PTPRN2: variants seen among roughly 807,000 people sequenced by gnomAD.
PTPRN2 encodes receptor-type tyrosine-protein phosphatase N2.
Under a neutral mutation model 118.8 loss-of-function variants are expected in PTPRN2, and 74 were observed. That is an observed-to-expected ratio of 0.62 (90% CI 0.52 to 0.76). The LOEUF (loss-of-function observed/expected upper bound fraction) is 0.76. Among genes scored for constraint, PTPRN2 ranks in the 30% least tolerant of loss-of-function variants. PTPRN2 has a pLI of 0.00. For missense variants in PTPRN2, 1,481 were observed against 1,394.4 expected, an observed-to-expected ratio of 1.06 and a Z score of -0.99; for synonymous variants, 641 against 608.0, an observed-to-expected ratio of 1.05 and a Z score of -0.80.
intron 17 of PTPRN2, 37 bp from the exon 18 acceptor site, chr7:157,578,177 G>C: frequency 6.3e-7 from 1 of 1,581,286 alleles, no homozygotes. Context: ...CGGTGTGACT[G>C]TCTCATCACC....
At chr7:158,037,230 A>G (rs1808144407) in intron 11 of PTPRN2, among the ~76,000 whole-genome samples, 1 of 152,260 alleles carries the variant, frequency 6.6e-6, no homozygotes, top group Non-Finnish European at 1.5e-5. Context: ...TGGCAAAGGA[A>G]TATCTCACTC....
chr7:158,218,895 T>C (rs1365863964), intron 3 of PTPRN2, among the ~76,000 whole-genome samples: 2 of 152,202 alleles, frequency 1.3e-5, no homozygotes, highest in Non-Finnish European at 2.9e-5. Flanking sequence ...CTACCCTAAA[T>C]ATTTATGCAC....
intron 6 of PTPRN2, among the ~76,000 whole-genome samples, chr7:158,150,156 A>T (rs375142164): frequency 1.4e-4 from 21 of 152,230 alleles, no homozygotes; most frequent in East Asian, 7.7e-4. Flanking sequence ...TGTTCCCTGC[A>T]GGCTCCTGTT....
At chr7:158,176,873 C>T (rs777998339) in intron 5 of PTPRN2, among the ~76,000 whole-genome samples, 3 of 152,328 alleles carry the variant, frequency 2.0e-5, no homozygotes, top group South Asian at 2.1e-4. Context: ...CGGTCCTCAT[C>T]GCTGTGTGCC....
At chr7:157,673,856 AGTGTTGTCT>A (rs1796530649) in intron 13 of PTPRN2, among the ~76,000 whole-genome samples, 1 of 151,628 alleles carries the variant, frequency 6.6e-6, no homozygotes, top group South Asian at 2.1e-4. Flanking sequence ...CTAGGGTCAC[AGTGTTGTCT>A]GTTTCCGGGT....
intron 11 of PTPRN2, among the ~76,000 whole-genome samples, chr7:158,046,975 G>C (rs747518949): frequency 2.0e-5 from 3 of 152,196 alleles, no homozygotes; most frequent in Non-Finnish European, 2.9e-5. Flanking sequence ...ACAGGGGCAG[G>C]CAATCAGGTT....
At position 158,033,177 on chromosome 7, in the gene PTPRN2, C is replaced by T. The variant is rs371373317; in HGVS notation, c.1723+48121G>A. ...AGCCTGACAGAGCCATTGGGGGCCA[C>T]GAATAAAGCCTTGGTGCCTGGTGGT... On this transcript the variant is annotated intron_variant, in intron 11 of 22. Coordinates refer to ENST00000389418, the MANE Select transcript of PTPRN2 (RefSeq NM_002847.5). Among the ~76,000 whole-genome samples, 258 of 77,564 alleles carry T rather than the reference C, an allele frequency of 3.3e-3. 5 individuals carry two copies. The South Asian group carries it at 0.084, about 25-fold the overall frequency. 50.9% of individuals were successfully genotyped at this position (77,564 alleles called of 152,430 possible).
chr7:158,462,469 CAG>C (rs1392867141), intron 2 of PTPRN2, among the ~76,000 whole-genome samples: 1 of 152,198 alleles, frequency 6.6e-6, no homozygotes, highest in Non-Finnish European at 1.5e-5. Context: ...AGAAAACACA[CAG>C]AGTCCTAGAG....
At chr7:158,119,968 C>A (rs551126518) in intron 9 of PTPRN2, among the ~76,000 whole-genome samples, 1 of 152,118 alleles carries the variant, frequency 6.6e-6, no homozygotes, top group African/African-American at 2.4e-5. Flanking sequence ...TAGTGATGGA[C>A]AAATGGAGGA....
At position 158,136,691 on chromosome 7, in the gene PTPRN2, G is replaced by A. The variant is rs755486238; in HGVS notation, c.1137C>T (p.Asp379=). 2.5e-5 allele frequency: 40 copies of A among 1,613,356 alleles called. No homozygotes were observed. Among genetic ancestry groups the A allele is most frequent in the East Asian group, 6.7e-5 (3 of 44,880 alleles). The change falls in exon 8 of 23, where the codon GAC becomes GAT. Residue 379 remains aspartate, a synonymous_variant. Transcript: ENST00000389418. ...GTCTATCATCGTCGTCCTGCACTCC[G>A]TCATCTGTAAAAGACACCAGTGTTA... ...ATLRGDSFPD[D]GVQDDDDRLY... is the part of the protein sequence containing the mutation.
At chr7:157,902,695 A>G (rs1797543394) in intron 11 of PTPRN2, among the ~76,000 whole-genome samples, 1 of 152,178 alleles carries the variant, frequency 6.6e-6, no homozygotes, top group South Asian at 2.1e-4. Context: ...TTGATCACTA[A>G]AACTCCTTTT....
chr7:157,697,183 G>T (rs1265866995), intron 12 of PTPRN2, among the ~76,000 whole-genome samples: 9 of 21,272 alleles, frequency 4.2e-4, no homozygotes, highest in East Asian at 4.8e-3. Flanking sequence ...TGCATACTGG[G>T]TCTTGGCAGA....
intron 1 of PTPRN2, among the ~76,000 whole-genome samples, chr7:158,547,766 C>T (rs894364078): frequency 3.9e-5 from 6 of 152,202 alleles, no homozygotes; most frequent in South Asian, 2.1e-4. Flanking sequence ...AGCCCCCCAC[C>T]GTACCCCCTG....
In PTPRN2 at chr7:157,780,347, C is replaced by G. The variant is rs769242774; in HGVS notation, c.1789-97410G>C. Reference sequence around the variant, plus strand: ...CTGAAGGTGAAGCTTTAGGTGACGTCGAAGCATCCAGCCATATCTGTCAGT... The same window carrying G: ...CTGAAGGTGAAGCTTTAGGTGACGTGGAAGCATCCAGCCATATCTGTCAGT... On this transcript the variant is annotated intron_variant, in intron 12 of 22. Coordinates refer to ENST00000389418, the MANE Select transcript of PTPRN2 (RefSeq NM_002847.5). The surrounding 1 kb of genome is among the most constrained non-coding windows in gnomAD (Gnocchi z 4.5). Among the ~76,000 whole-genome samples the G allele has an allele frequency of 1.1e-4, 17 of 152,188 alleles. No individual in the cohort carries two copies. Among genetic ancestry groups the G allele is most frequent in the African/African-American group, 4.1e-4 (17 of 41,430 alleles).
chr7:158,246,690 T>C (rs1796272070), intron 3 of PTPRN2, among the ~76,000 whole-genome samples: 1 of 151,948 alleles, frequency 6.6e-6, no homozygotes, highest in Non-Finnish European at 1.5e-5. Flanking sequence ...AATTCAACCT[T>C]ACAGAGCTGA....
At chr7:157,901,914 AG>A (rs1797479715) in intron 11 of PTPRN2, among the ~76,000 whole-genome samples, 1 of 133,734 alleles carries the variant, frequency 7.5e-6, no homozygotes, top group Admixed American at 7.2e-5. Context: ...CTGGGTCCTG[AG>A]GCGGGGCCTT....
intron 11 of PTPRN2, among the ~76,000 whole-genome samples, chr7:157,915,623 A>G (rs1302804711): frequency 6.6e-6 from 1 of 151,996 alleles, no homozygotes; most frequent in Non-Finnish European, 1.5e-5. Flanking sequence ...TAGCCTTACC[A>G]TATCAGGATT....
intron 3 of PTPRN2, among the ~76,000 whole-genome samples, chr7:158,269,364 G>A (rs891200379): frequency 3.3e-5 from 5 of 152,304 alleles, no homozygotes; most frequent in East Asian, 1.9e-4. Context: ...GGCCATCCCC[G>A]TCATCACACC....
At chr7:158,535,257 G>A (rs548691052) in intron 1 of PTPRN2, among the ~76,000 whole-genome samples, 1 of 152,348 alleles carries the variant, frequency 6.6e-6, no homozygotes, top group East Asian at 1.9e-4. Flanking sequence ...TAACTACTCA[G>A]TACCAAGGGA....
Sources: allele counts gnomAD v4.1 joint callset (sites outside exome capture counted in the v4.1 genomes callset), GRCh38; gene constraint gnomAD v4.1.1; non-coding constraint Gnocchi (gnomAD v3.1); transcripts MANE v1.5; gene names NCBI Gene and HGNC (gene_info 2026-07-23, HGNC 2026-07-21).